Variants in DNAH9 observed in about 807,000 individuals in gnomAD.
The protein encoded by DNAH9 is dynein axonemal heavy chain 9, also known as DNAH9 variant protein.
Under a neutral mutation model 471.6 loss-of-function variants are expected in DNAH9, and 345 were observed. The observed-to-expected ratio is 0.73, with a 90% confidence interval of 0.67 to 0.80. The LOEUF (loss-of-function observed/expected upper bound fraction) is 0.80, where lower values mean the gene tolerates loss of function less well. Among genes scored for constraint, DNAH9 ranks in the 30% least tolerant of loss-of-function variants. The pLI is 0.00. For synonymous variants in DNAH9, 2,093 were observed against 2,123.6 expected (o/e 0.99, Z 0.40); for missense variants, 5,407 against 5,609.2 (o/e 0.96, Z 1.15).
Position 11,669,423 on chromosome 17 carries a change from G to C in DNAH9, c.2982G>C (p.Glu994Asp), listed in dbSNP as rs780365655. The change falls in exon 17 of 69, where the codon GAG becomes GAC. Residue 994 changes from glutamate to aspartate, a missense_variant. Glu to Asp is a conservative substitution (Grantham distance 45, BLOSUM62 2). This residue lies in a region of DNAH9 where 4,636 missense variants were observed against 4,900.3 expected (regional missense o/e 0.95). Transcript: ENST00000262442. ...CAAACATGCGGCGCACACTCATGGA[G>C]AGAGTCCAGAGAATGATGGGCCTCT... is the stretch of plus-strand genomic sequence containing the variant. Reference protein sequence around the residue: ...DLANMRRTLMERVQRMMGLCC... With the variant: ...DLANMRRTLMDRVQRMMGLCC... The C allele has an allele frequency of 6.2e-7, 1 of 1,614,142 alleles. No homozygotes were observed. Among genetic ancestry groups the C allele is most frequent in the Non-Finnish European group, 8.5e-7 (1 of 1,180,032 alleles).
intron 14 of DNAH9, among the ~76,000 whole-genome samples, chr17:11,655,118 G>A (rs914874128): frequency 2.6e-5 from 4 of 152,120 alleles, no homozygotes; most frequent in African/African-American, 9.7e-5. Flanking sequence ...TACCCAGTGT[G>A]TAGTCTTTTA....
At chr17:11,736,764 A>T (rs1356667244) in intron 28 of DNAH9, among the ~76,000 whole-genome samples, 1 of 152,248 alleles carries the variant, frequency 6.6e-6, no homozygotes, top group Non-Finnish European at 1.5e-5. Context: ...AAAGTGCATC[A>T]TAAATTCTTG....
intron 14 of DNAH9, among the ~76,000 whole-genome samples, chr17:11,660,315 GTTTCT>G (rs1340984139): frequency 9.9e-5 from 11 of 111,328 alleles, no homozygotes; most frequent in Non-Finnish European, 1.9e-4. Flanking sequence ...AGTTTTAAAT[GTTTCT>G]TTTTTTTTTT....
intron 52 of DNAH9, 74 bp downstream of exon 52, chr17:11,871,860 C>T: frequency 4.6e-6 from 7 of 1,510,668 alleles, no homozygotes; most frequent in Non-Finnish European, 6.4e-6. Flanking sequence ...GGTCATAATT[C>T]GCATCCTCTG....
At chr17:11,817,659 A>C (rs543794377) in intron 45 of DNAH9, among the ~76,000 whole-genome samples, 3 of 152,344 alleles carry the variant, frequency 2.0e-5, no homozygotes, top group Admixed American at 2.0e-4. Context: ...TTATTATTTA[A>C]ACTTTCAACA....
rs192051389 is a variant in DNAH9, at chr17:11,892,941, C to T, written c.11283+994C>T. Among the ~76,000 whole-genome samples, 102 of 152,132 alleles carry T rather than the reference C, an allele frequency of 6.7e-4. 1 individual carries two copies. Among genetic ancestry groups the T allele is most frequent in the African/African-American group, 2.0e-3 (84 of 41,484 alleles). ...AATTGGGAGCACAGACTAATTATCTCGAAGGCCCTTTCCTTGAATCTTCTG... is the reference window on the plus strand; with the variant it reads ...AATTGGGAGCACAGACTAATTATCTTGAAGGCCCTTTCCTTGAATCTTCTG... On this transcript the variant is annotated intron_variant, in intron 58 of 68. Transcript: ENST00000262442. The surrounding 1 kb of genome is among the most constrained non-coding windows in gnomAD (Gnocchi z 4.3).
intron 26 of DNAH9, 39 bp downstream of exon 26, chr17:11,705,224 T>C (rs773114670): frequency 6.3e-7 from 1 of 1,597,780 alleles, no homozygotes; most frequent in South Asian, 1.1e-5. Context: ...CTTACTGCTG[T>C]CTGGTTCAGG....
intron 14 of DNAH9, among the ~76,000 whole-genome samples, chr17:11,660,614 T>C (rs2073743961): frequency 6.6e-6 from 1 of 152,234 alleles, no homozygotes; most frequent in Admixed American, 6.5e-5. Context: ...TGAACTACCA[T>C]GCCCAGCTCT....
At chr17:11,748,101 G>A (rs191907427) in intron 32 of DNAH9, among the ~76,000 whole-genome samples, 4 of 135,526 alleles carry the variant, frequency 3.0e-5, no homozygotes, top group South Asian at 2.4e-4. Flanking sequence ...TCAGGAGTTC[G>A]AGACCAGCCT....
chr17:11,805,775 A>T (rs1395803318), intron 43 of DNAH9, among the ~76,000 whole-genome samples: 1 of 151,504 alleles, frequency 6.6e-6, no homozygotes, highest in African/African-American at 2.4e-5. Flanking sequence ...CTGGTCTCGA[A>T]CTCCTAACCT....
At chr17:11,599,454 C>T (rs2072337947) in intron 1 of DNAH9, among the ~76,000 whole-genome samples, 1 of 152,088 alleles carries the variant, frequency 6.6e-6, no homozygotes, top group Non-Finnish European at 1.5e-5. Context: ...TAGTGATTTG[C>T]TTTTGATTTT....
chr17:11,634,698 C>T (rs2150677121), intron 8 of DNAH9, among the ~76,000 whole-genome samples: 1 of 152,342 alleles, frequency 6.6e-6, no homozygotes, highest in Non-Finnish European at 1.5e-5. Context: ...AGCACCTTTA[C>T]AGAGTCCTTA....
chr17:11,859,518 A>G (rs959225452), intron 50 of DNAH9, among the ~76,000 whole-genome samples: 2 of 152,036 alleles, frequency 1.3e-5, no homozygotes, highest in Non-Finnish European at 2.9e-5. Context: ...TGGAGCTCTC[A>G]GCTTTCAAGA....
intron 68 of DNAH9, among the ~76,000 whole-genome samples, chr17:11,963,429 C>A (rs538042856): frequency 6.7e-6 from 1 of 149,750 alleles, no homozygotes; most frequent in African/African-American, 2.5e-5. Flanking sequence ...AGCAAAACTC[C>A]GTCTCAAAAA....
At chr17:11,955,902 G>A (rs1975615876) in intron 67 of DNAH9, among the ~76,000 whole-genome samples, 1 of 152,210 alleles carries the variant, frequency 6.6e-6, no homozygotes, top group African/African-American at 2.4e-5. Flanking sequence ...GCTTCCAAAT[G>A]GGAAGTAGGT....
At chr17:11,896,343 A>G (rs747999568) in intron 59 of DNAH9, among the ~76,000 whole-genome samples, 1 of 152,228 alleles carries the variant, frequency 6.6e-6, no homozygotes, top group Non-Finnish European at 1.5e-5. Flanking sequence ...ACTCTGTAGC[A>G]ACTACTCAAC....
chr17:11,728,591 A>T (rs2874668), intron 28 of DNAH9, among the ~76,000 whole-genome samples: 137,553 of 151,096 alleles, frequency 0.91, 63,549 homozygotes, highest in Non-Finnish European at 0.99. Flanking sequence ...AATGTTCTAG[A>T]GGTGACTTAA....
intron 59 of DNAH9, among the ~76,000 whole-genome samples, chr17:11,900,703 A>T (rs2151011602): frequency 6.6e-6 from 1 of 152,268 alleles, no homozygotes; most frequent in East Asian, 1.9e-4. Context: ...AATTGAATAA[A>T]TGTCAAAAGA....
chr17:11,693,170 C>A (rs1466287572), intron 20 of DNAH9, among the ~76,000 whole-genome samples: 1 of 150,964 alleles, frequency 6.6e-6, no homozygotes, highest in Non-Finnish European at 1.5e-5. Context: ...GCCTCTGCCT[C>A]CCAAAGTGCT....
Sources: allele counts gnomAD v4.1 joint callset (sites outside exome capture counted in the v4.1 genomes callset), GRCh38; gene constraint gnomAD v4.1.1; regional missense constraint gnomAD v4.1.1; non-coding constraint Gnocchi (gnomAD v3.1); transcripts MANE v1.5; gene names NCBI Gene and HGNC (gene_info 2026-07-23, HGNC 2026-07-21).